The following IQGAP3 variants were observed in gnomAD, a reference collection of about 807,000 sequenced individuals.
The protein encoded by IQGAP3 is ras GTPase-activating-like protein IQGAP3.
Under a neutral mutation model 208.2 loss-of-function variants are expected in IQGAP3, and 165 were observed. That is an observed-to-expected ratio of 0.79 (90% CI 0.70 to 0.90). IQGAP3 has a LOEUF of 0.90. Among genes scored for constraint, IQGAP3 ranks in the 40% least tolerant of loss-of-function variants. IQGAP3 has a pLI of 0.00. For missense variants in IQGAP3, 1,811 were observed against 2,043.1 expected (o/e 0.89, Z 2.19); for synonymous variants, 703 against 803.6 (o/e 0.87, Z 2.12).
At chr1:156,548,538 C>T in intron 17 of IQGAP3, 43 bp downstream of exon 17, 1 of 1,599,670 alleles carries the variant, frequency 6.3e-7, no homozygotes, top group Non-Finnish European at 8.5e-7. Context: ...CAAGGGGTGG[C>T]TGGGGCAGGC....
At chr1:156,555,116 G>A (rs558959064) in intron 12 of IQGAP3, among the ~76,000 whole-genome samples, 4 of 152,110 alleles carry the variant, frequency 2.6e-5, no homozygotes, top group South Asian at 2.1e-4. Flanking sequence ...TGGAGTGGTC[G>A]CCTCCACACT....
chr1:156,563,634 CCA>C lies in IQGAP3; in HGVS notation c.536_537del (p.Leu179ArgfsTer20), dbSNP rs1169610222. On this transcript the variant is annotated frameshift_variant, in exon 7 of 38. Coordinates refer to ENST00000361170, the MANE Select transcript of IQGAP3 (RefSeq NM_178229.5). LOFTEE classifies it high-confidence loss of function. The stretch of plus-strand genomic sequence containing the variant: ...GCAGGCAGCTGGAGGCCATATTTGG[CCA>C]GTTCGGACGCCATGTTGCTGAGTTC... ...AEELSNMASELAKYGLQLPAF... is the reference protein window; with the variant it reads ...AEELSNMASEXAKYGLQLPAF... 1 of 1,613,214 alleles carries C rather than the reference CCA, an allele frequency of 6.2e-7. No homozygotes were observed.
At chr1:156,536,992 C>G in intron 27 of IQGAP3, 189 bp downstream of exon 27, 1 of 539,816 alleles carries the variant, frequency 1.9e-6, no homozygotes, top group Non-Finnish European at 3.2e-6. Context: ...CACGCCGTCT[C>G]TCAGCTCAGC....
intron 12 of IQGAP3, 123 bp from the exon 13 acceptor site, chr1:156,554,515 G>A: frequency 1.2e-6 from 1 of 837,994 alleles, no homozygotes; most frequent in Non-Finnish European, 1.8e-6. Flanking sequence ...CCAGTGGCCT[G>A]ATTCACTCAC....
At chr1:156,544,624 T>G in intron 19 of IQGAP3, 152 bp from the exon 20 acceptor site, 2 of 670,008 alleles carry the variant, frequency 3.0e-6, no homozygotes, top group South Asian at 3.6e-5. Flanking sequence ...CTCAAAGAAC[T>G]TCCAACTTCA....
chr1:156,565,138 T>C (rs955596278), intron 4 of IQGAP3, among the ~76,000 whole-genome samples: 2 of 152,154 alleles, frequency 1.3e-5, no homozygotes, highest in African/African-American at 2.4e-5. Flanking sequence ...CAATGAAGCA[T>C]ATATTGCCAA....
chr1:156,547,420 CACA>C (rs1675311665), intron 19 of IQGAP3, among the ~76,000 whole-genome samples: 1 of 147,730 alleles, frequency 6.8e-6, no homozygotes, highest in South Asian at 2.2e-4. Flanking sequence ...CACACACACA[CACA>C]CAGACACACA....
intron 8 of IQGAP3, 26 bp from the exon 9 acceptor site, chr1:156,562,691 C>A (rs911164697): frequency 3.8e-6 from 6 of 1,572,796 alleles, no homozygotes; most frequent in African/African-American, 1.4e-5. Context: ...TGAAAGGGAA[C>A]CTGGGAAACC....
intron 24 of IQGAP3, 99 bp from the exon 25 acceptor site, chr1:156,539,636 G>A (rs1041304030): frequency 7.4e-6 from 10 of 1,348,164 alleles, no homozygotes; most frequent in Non-Finnish European, 1.0e-5. Flanking sequence ...CTGGAATGGA[G>A]AAAGCACTAC....
intron 1 of IQGAP3, 69 bp from the exon 2 acceptor site, chr1:156,569,532 T>A (rs1223544956): frequency 3.0e-6 from 2 of 666,978 alleles, no homozygotes; most frequent in Non-Finnish European, 4.5e-6. Flanking sequence ...AAGGGTCTTT[T>A]TTTTTTTTTT....
At position 156,539,952 on chromosome 1, in the gene IQGAP3, A is replaced by C. The variant is rs1245627979; in HGVS notation, c.2778T>G (p.Asn926Lys). 1 of 1,614,078 alleles carries C rather than the reference A, an allele frequency of 6.2e-7. No individual in the cohort carries two copies. Among genetic ancestry groups the C allele is most frequent in the Admixed American group, 1.7e-5 (1 of 60,012 alleles). The stretch of plus-strand genomic sequence containing the variant: ...CCATCATATCTGACAGCTGTTCCTT[A>C]TTCCTCTTGGTCAGCTTCTTGCAGT... ...VSHCKKLTKR[N>K]KEQLSDMMVL... Residue 926 changes from asparagine to lysine, a missense_variant, in exon 24 of 38, where the codon AAT becomes AAG. Transcript: ENST00000361170.
At chr1:156,553,758 T>C (rs1003266446) in intron 13 of IQGAP3, among the ~76,000 whole-genome samples, 5 of 152,144 alleles carry the variant, frequency 3.3e-5, no homozygotes, top group African/African-American at 7.2e-5. Context: ...ATTTTGTATT[T>C]TTAGTAGAGA....
In IQGAP3 at chr1:156,537,271, ACCTCG is replaced by A; in HGVS notation, c.3327_3331del (p.Glu1110ProfsTer16). 6.2e-7 allele frequency: 1 copy of A among 1,613,914 alleles called. No individual in the cohort carries two copies. The highest frequency in any genetic ancestry group is 8.5e-7 in the Non-Finnish European group (1 of 1,179,944). On this transcript the variant is annotated frameshift_variant, in exon 27 of 38. Coordinates refer to ENST00000361170, the MANE Select transcript of IQGAP3 (RefSeq NM_178229.5). LOFTEE classifies it high-confidence loss of function. ...TAGGGCGATGTCCAGTCGTCTCTGG[ACCTCG>A]GGGTGGCTCAAGGCCTGCTCCGGGG...
At chr1:156,570,309 G>A (rs573126692) in intron 1 of IQGAP3, among the ~76,000 whole-genome samples, 2 of 152,208 alleles carry the variant, frequency 1.3e-5, no homozygotes, top group African/African-American at 4.8e-5. Flanking sequence ...TGGATGCTGA[G>A]GTAGGTGGAT....
chr1:156,542,486 G>A (rs578183526), intron 22 of IQGAP3, among the ~76,000 whole-genome samples: 3 of 152,294 alleles, frequency 2.0e-5, no homozygotes, highest in South Asian at 2.1e-4. Context: ...CACCAGGCCC[G>A]GCCTGGGGAC....
chr1:156,529,921 A>AAAAAAAAG (rs1557915504), intron 34 of IQGAP3, among the ~76,000 whole-genome samples, 184 bp downstream of exon 34: 1 of 145,904 alleles, frequency 6.9e-6, no homozygotes, highest in African/African-American at 2.8e-5. Context: ...TGTCTCAAAA[A>AAAAAAAAG]AAAAAAAAAA....
intron 15 of IQGAP3, among the ~76,000 whole-genome samples, chr1:156,551,430 A>G (rs1024373891): frequency 6.6e-6 from 1 of 152,210 alleles, no homozygotes; most frequent in Non-Finnish European, 1.5e-5. Flanking sequence ...GAGCTCAGAG[A>G]TATCAAGGGA....
rs1674567607 is a variant in IQGAP3, at chr1:156,534,147, C to T, written c.3741-6G>A. 1.2e-6 allele frequency: 2 copies of T among 1,613,126 alleles called. No homozygotes were observed. The highest frequency in any genetic ancestry group is 1.7e-6 in the Non-Finnish European group (2 of 1,180,026). ...AGGCTCTATGGATGAACTTCCTGTCCAGAGGGCGGGCATGTGAGAGAGCGG... is the reference window on the plus strand; with the variant it reads ...AGGCTCTATGGATGAACTTCCTGTCTAGAGGGCGGGCATGTGAGAGAGCGG... On this transcript the variant is annotated splice_polypyrimidine_tract_variant and splice_region_variant and intron_variant, in intron 29 of 37. Coordinates refer to ENST00000361170, the MANE Select transcript of IQGAP3 (RefSeq NM_178229.5).
At position 156,566,415 on chromosome 1, in the gene IQGAP3, T is replaced by C. The variant is rs1410621515; in HGVS notation, c.257A>G (p.Tyr86Cys). ...APSVVPLKKI[Y>C]DVEQLRYQAT... ...CTGGTACCGCAGCTGCTCCACATCG[T>C]AGATCTTCTTCAAGGGAACCACGGA... Residue 86 changes from tyrosine (Y) to cysteine (C), a missense_variant, in exon 3 of 38, where the codon TAC becomes TGC. Coordinates refer to ENST00000361170, the MANE Select transcript of IQGAP3 (RefSeq NM_178229.5). 1 of 1,614,070 alleles carries C rather than the reference T, an allele frequency of 6.2e-7. No individual in the cohort carries two copies. The highest frequency in any genetic ancestry group is 8.5e-7 in the Non-Finnish European group (1 of 1,180,038).
Sources: allele counts gnomAD v4.1 joint callset (sites outside exome capture counted in the v4.1 genomes callset), GRCh38; gene constraint gnomAD v4.1.1; transcripts MANE v1.5; gene names NCBI Gene and HGNC (gene_info 2026-07-23, HGNC 2026-07-21).